Variants in ZNF207 observed in about 807,000 individuals in gnomAD.
The protein encoded by ZNF207 is BUB3-interacting and GLEBS motif-containing protein ZNF207.
ZNF207 carries 24 observed loss-of-function variants against 60.2 expected under a neutral mutation model. That is an observed-to-expected ratio of 0.40 (90% confidence interval 0.29 to 0.56). The LOEUF (loss-of-function observed/expected upper bound fraction) is 0.56. ZNF207 is among the 20% of genes least tolerant of loss of function. ZNF207 has a pLI of 0.49. For synonymous variants in ZNF207, 236 were observed against 194.7 expected (o/e 1.21, Z -1.77); for missense variants, 452 against 636.6 (o/e 0.71, Z 3.12).
Position 32,365,327 on chromosome 17 carries a change from C to G in ZNF207, c.671-3C>G, listed in dbSNP as rs776459939. ...AATTTCCCCAAACATTTCTTCTCTG[C>G]AGGTATGCCCCCACCTGTTCCACGT... On this transcript the variant is annotated splice_region_variant and splice_polypyrimidine_tract_variant and intron_variant, in intron 7 of 11. Coordinates refer to ENST00000394670, the MANE Select transcript of ZNF207 (RefSeq NM_001098507.2). 1.2e-6 allele frequency: 2 copies of G among 1,606,752 alleles called. No individual in the cohort carries two copies. Among genetic ancestry groups the G allele is most frequent in the Middle Eastern group, 1.7e-4 (1 of 6,030 alleles).
chr17:32,367,758 A>T lies in ZNF207; in HGVS notation c.922-14A>T. On this transcript the variant is annotated splice_polypyrimidine_tract_variant and intron_variant, in intron 9 of 11. Coordinates refer to ENST00000394670, the MANE Select transcript of ZNF207 (RefSeq NM_001098507.2). ...GGTTTTGAAGTTTCGTTGATGAAGTATTGTATTTTACAGGCTCAGGCAGCT... is the reference window on the plus strand; with the variant it reads ...GGTTTTGAAGTTTCGTTGATGAAGTTTTGTATTTTACAGGCTCAGGCAGCT... 6.2e-7 allele frequency: 1 copy of T among 1,613,200 alleles called. No individual in the cohort carries two copies. The highest frequency in any genetic ancestry group is 1.1e-5 in the South Asian group (1 of 90,978).
chr17:32,365,517 CTTATAT>C, intron 8 of ZNF207, 30 bp downstream of exon 8: 1 of 1,607,734 alleles, frequency 6.2e-7, no homozygotes, highest in Non-Finnish European at 8.5e-7. Context: ...AAGGAGTGCA[CTTATAT>C]TTAAAGATAA....
chr17:32,353,791 G>A (rs1207773414), intron 2 of ZNF207, among the ~76,000 whole-genome samples: 2 of 146,662 alleles, frequency 1.4e-5, no homozygotes, highest in Admixed American at 6.8e-5. Context: ...CTCCAGCCTG[G>A]GTGACAGAGA....
rs1036731260 is a variant in ZNF207 at position 32,373,291 on chromosome 17, T to G, written c.*3532T>G. ...CAATAGTTAAAAACAAAGCTGCTCCTTTTGCTTGCTTGATCATTGGGATTT... is the reference window on the plus strand; with the variant it reads ...CAATAGTTAAAAACAAAGCTGCTCCGTTTGCTTGCTTGATCATTGGGATTT... On this transcript the variant is annotated 3_prime_UTR_variant, in exon 12 of 12. Transcript: ENST00000394670. 2.1e-5 allele frequency: 12 copies of G among 574,852 alleles called. No homozygotes were observed. The highest frequency in any genetic ancestry group is 2.1e-4 in the African/African-American group (11 of 53,562). 35.6% of individuals were successfully genotyped at this position (574,852 alleles called of 1,614,324 possible).
chr17:32,359,121 T>G (rs1202939831), intron 3 of ZNF207, among the ~76,000 whole-genome samples: 1 of 151,496 alleles, frequency 6.6e-6, no homozygotes, highest in African/African-American at 2.4e-5. Flanking sequence ...TTTGTTTTTG[T>G]TTTTGTTTTG....
At position 32,369,808 on chromosome 17, in the gene ZNF207, C is replaced by A; in HGVS notation, c.*49C>A. The stretch of plus-strand genomic sequence containing the variant: ...GTTTGGAGATTAAACCTTTTCTCAA[C>A]TTGTGCTGTTTATATAGCCAAGCTT... On this transcript the variant is annotated 3_prime_UTR_variant, in exon 12 of 12. Coordinates refer to ENST00000394670, the MANE Select transcript of ZNF207 (RefSeq NM_001098507.2). 7.2e-7 allele frequency: 1 copy of A among 1,396,916 alleles called. No individual in the cohort carries two copies. Among genetic ancestry groups the A allele is most frequent in the Non-Finnish European group, 9.4e-7 (1 of 1,068,388 alleles). The allele number at this position is 1,396,916 out of a possible 1,614,324, so 86.5% of individuals were successfully genotyped here. A position where few individuals can be genotyped will look rare whatever the true frequency, so the allele number is the denominator to read the frequency against.
At chr17:32,366,007 C>CT (rs1286134922) in intron 8 of ZNF207, among the ~76,000 whole-genome samples, 1 of 152,028 alleles carries the variant, frequency 6.6e-6, no homozygotes, top group East Asian at 1.9e-4. Context: ...TTTTAAAAGT[C>CT]TTTTTTCCAG....
chr17:32,359,363 G>A (rs1187776078), intron 3 of ZNF207, among the ~76,000 whole-genome samples: 1 of 151,176 alleles, frequency 6.6e-6, no homozygotes, highest in African/African-American at 2.4e-5. Flanking sequence ...TGCCCGCCTC[G>A]GCCTCCCAAA....
chr17:32,356,096 A>C (rs963887977), intron 2 of ZNF207, among the ~76,000 whole-genome samples: 1 of 152,196 alleles, frequency 6.6e-6, no homozygotes, highest in Admixed American at 6.5e-5. Flanking sequence ...CCTGGCAGTT[A>C]AATCATACCA....
At chr17:32,369,533 A>G in intron 11 of ZNF207, 66 bp from the exon 12 acceptor site, 1 of 1,591,612 alleles carries the variant, frequency 6.3e-7, no homozygotes, top group East Asian at 2.2e-5. Flanking sequence ...TCTGCAGCAT[A>G]CGTTGCACTT....
chr17:32,355,882 C>T (rs936263082), intron 2 of ZNF207, among the ~76,000 whole-genome samples: 2 of 152,054 alleles, frequency 1.3e-5, no homozygotes, highest in African/African-American at 4.8e-5. Context: ...TGACAAAGAG[C>T]GATTTCCAAG....
At chr17:32,361,561 G>A in intron 6 of ZNF207, 46 bp downstream of exon 6, 1 of 1,537,644 alleles carries the variant, frequency 6.5e-7, no homozygotes, top group Non-Finnish European at 8.8e-7. Context: ...TAATCATACT[G>A]TCATTTTTTT....
At position 32,381,141 on chromosome 17, in the gene ZNF207, AG is replaced by A. The variant is rs893315683; in HGVS notation, c.*11383del. The A allele has an allele frequency of 5.9e-5, 9 of 152,214 alleles. No homozygotes were observed. Among genetic ancestry groups the A allele is most frequent in the Non-Finnish European group, 1.0e-4 (7 of 68,036 alleles). 9.4% of individuals were successfully genotyped at this position (152,214 alleles called of 1,614,324 possible). ...TCCAAACTAGTCTGTAGTGGTTTAG[AG>A]TAAGCATTATTTTATGAAGTGGTAC... is the stretch of plus-strand genomic sequence containing the variant. On this transcript the variant is annotated 3_prime_UTR_variant, in exon 12 of 12. Transcript: ENST00000394670.
intron 2 of ZNF207, among the ~76,000 whole-genome samples, chr17:32,352,903 G>A (rs914091254): frequency 1.3e-5 from 2 of 152,214 alleles, no homozygotes; most frequent in East Asian, 1.9e-4. Context: ...TCGGCTGGGC[G>A]CGGTGGCTCA....
chr17:32,355,979 G>A (rs11080180), intron 2 of ZNF207, among the ~76,000 whole-genome samples: 56,769 of 152,032 alleles, frequency 0.37, 11,601 homozygotes, highest in Non-Finnish European at 0.45. Flanking sequence ...ACTTTATGAA[G>A]AGCAGAGAAG....
At chr17:32,362,106 G>A (rs1285128251) in intron 6 of ZNF207, among the ~76,000 whole-genome samples, 1 of 149,502 alleles carries the variant, frequency 6.7e-6, no homozygotes, top group Non-Finnish European at 1.5e-5. Flanking sequence ...TTTGGTGGTA[G>A]TATTTCCTTT....
intron 7 of ZNF207, among the ~76,000 whole-genome samples, chr17:32,363,609 G>A (rs1905010478): frequency 7.9e-6 from 1 of 126,292 alleles, no homozygotes; most frequent in Non-Finnish European, 1.6e-5. Flanking sequence ...TCGGCTCACT[G>A]CAACCTCTGC....
Position 32,368,174 on chromosome 17 carries a change from A to G in ZNF207, c.1164+160A>G, listed in dbSNP as rs143816635. 1.7e-3 allele frequency: 1,786 copies of G among 1,042,162 alleles called. 21 individuals are homozygous for G. The African/African-American group carries it at 0.024, about 14-fold the overall frequency. The allele number at this position is 1,042,162 out of a possible 1,614,324, so 64.6% of individuals were successfully genotyped here. On this transcript the variant is annotated intron_variant, in intron 10 of 11. Coordinates refer to ENST00000394670, the MANE Select transcript of ZNF207 (RefSeq NM_001098507.2). ...ATTCTGATTCTTAAGAAATCATAAA[A>G]TACTTAAAGTGGACAGATATTGCAT... is the stretch of plus-strand genomic sequence containing the variant.
At chr17:32,362,131 AGTGT>A (rs57093226) in intron 6 of ZNF207, among the ~76,000 whole-genome samples, 141 of 145,918 alleles carry the variant, frequency 9.7e-4, no homozygotes, top group African/African-American at 1.8e-3. Flanking sequence ...AAAAAAAAAA[AGTGT>A]GTGTGTGTGT....
Sources: gnomAD v4.1 joint callset for allele counts (sites outside exome capture counted in the v4.1 genomes callset) on GRCh38, gnomAD v4.1.1 for gene constraint, MANE v1.5 for transcripts, NCBI Gene and HGNC (gene_info 2026-07-23, HGNC 2026-07-21) for gene names.